Variants in NFIA observed in about 807,000 individuals in gnomAD.
NFIA encodes nuclear factor 1 A-type.
NFIA carries 8 observed loss-of-function variants against 62.8 expected under a neutral mutation model. The ratio of observed to expected loss-of-function variants is 0.13; its 90% CI spans 0.07 to 0.23. The LOEUF is 0.23. Ranked by LOEUF, NFIA falls within the 10% of genes least tolerant of loss-of-function variation. NFIA has a pLI of 1.00. For missense variants in NFIA, 410 were observed against 642.1 expected (o/e 0.64, Z 3.91); for synonymous variants, 235 against 238.1 (o/e 0.99, Z 0.12).
rs554967212 is a variant in NFIA at position 61,310,687 on chromosome 1, C to T, written c.626-21825C>T. Among the ~76,000 whole-genome samples the T allele has an allele frequency of 1.5e-4, 23 of 152,242 alleles. No homozygotes were observed. In the South Asian group the frequency reaches 4.8e-3, roughly 32 times the overall value. On this transcript the variant is annotated intron_variant, in intron 3 of 10. Coordinates refer to ENST00000403491, the MANE Select transcript of NFIA (RefSeq NM_001134673.4). Reference sequence around the variant, plus strand: ...CAGCCATCACAAACCAAACGTGCCACTTGCCTTCTTTCTTTTCTCTTTTCC... The same window carrying T: ...CAGCCATCACAAACCAAACGTGCCATTTGCCTTCTTTCTTTTCTCTTTTCC...
intron 10 of NFIA, among the ~76,000 whole-genome samples, chr1:61,436,029 G>T (rs1203382314): frequency 6.6e-6 from 1 of 152,076 alleles, no homozygotes; most frequent in South Asian, 2.1e-4. Flanking sequence ...CCAGGATTTG[G>T]GCAGAAGTCC....
At chr1:61,222,610 C>T (rs7552300) in intron 2 of NFIA, among the ~76,000 whole-genome samples, 5,791 of 152,078 alleles carry the variant, frequency 0.038, 381 homozygotes, top group African/African-American at 0.13. Context: ...TATTTAGAGT[C>T]AGTACCACAT....
chr1:61,199,466 C>T (rs1652265614), intron 2 of NFIA, among the ~76,000 whole-genome samples: 1 of 152,200 alleles, frequency 6.6e-6, no homozygotes, highest in South Asian at 2.1e-4. Context: ...TAGAGATGAG[C>T]ATACCATGGC....
rs144488789 is a variant in NFIA at position 61,100,523 on chromosome 1, A to C, written c.559+11843A>C. On this transcript the variant is annotated intron_variant, in intron 2 of 10. Coordinates refer to ENST00000403491, the MANE Select transcript of NFIA (RefSeq NM_001134673.4). ...AGAAATCAAGATTTTAGAGCATTTGATGTTTTTAAATTAGAGTCCTTTCAA... is the reference window on the plus strand; with the variant it reads ...AGAAATCAAGATTTTAGAGCATTTGCTGTTTTTAAATTAGAGTCCTTTCAA... Among the ~76,000 whole-genome samples the C allele has an allele frequency of 3.9e-5, 6 of 152,330 alleles. No homozygotes were observed. In the East Asian group the frequency reaches 1.2e-3, roughly 29 times the overall value.
At chr1:61,406,458 T>C in intron 8 of NFIA, 104 bp from the exon 9 acceptor site, 1 of 953,404 alleles carries the variant, frequency 1.0e-6, no homozygotes, top group Non-Finnish European at 1.6e-6. Flanking sequence ...GTAATTTACA[T>C]TAAAGGTGCC....
chr1:61,096,440 G>T (rs1219167792), intron 2 of NFIA, among the ~76,000 whole-genome samples: 2 of 151,978 alleles, frequency 1.3e-5, no homozygotes, highest in East Asian at 3.9e-4. Context: ...CTGGCCTCAG[G>T]TGTTCCACCT....
At chr1:61,082,282 G>A (rs914022663), upstream of NFIA, 12 of 343,600 alleles carry the variant, frequency 3.5e-5, no homozygotes, top group African/African-American at 2.4e-4. Flanking sequence ...GCCGGGGAGC[G>A]AGCGAGCCAG....
At chr1:61,171,547 A>G (rs1055520598) in intron 2 of NFIA, among the ~76,000 whole-genome samples, 8 of 152,244 alleles carry the variant, frequency 5.3e-5, no homozygotes, top group Non-Finnish European at 8.8e-5. Context: ...TTGTTAAAAC[A>G]TTGAATATAG....
intron 2 of NFIA, among the ~76,000 whole-genome samples, chr1:61,163,102 C>A (rs1649326610): frequency 6.6e-6 from 1 of 151,912 alleles, no homozygotes; most frequent in Non-Finnish European, 1.5e-5. Context: ...AAGGAAGTGC[C>A]TTTTGAAAAA....
rs907817517 is a variant in NFIA, at chr1:61,458,599, A to G, written c.*3279A>G. 3.3e-5 allele frequency: 5 copies of G among 152,138 alleles called. No individual in the cohort carries two copies. Among genetic ancestry groups the G allele is most frequent in the Non-Finnish European group, 2.9e-5 (2 of 67,994 alleles). 9.4% of individuals were successfully genotyped at this position (152,138 alleles called of 1,614,324 possible). A position where few individuals can be genotyped will look rare whatever the true frequency, so the allele number is the denominator to read the frequency against. ...AGCCTAGTAAAATTTCTGATCGTTC[A>G]TTATAAAGGCAGCGTTCATAGAATT... On this transcript the variant is annotated 3_prime_UTR_variant, in exon 11 of 11. Transcript: ENST00000403491.
intron 2 of NFIA, among the ~76,000 whole-genome samples, chr1:61,196,898 A>AGTGTGT (rs3030264): frequency 1.8e-4 from 27 of 148,550 alleles, no homozygotes; most frequent in Admixed American, 4.7e-4. Context: ...ACCTTAAAGG[A>AGTGTGT]GTGTGTGTGT....
At chr1:61,141,763 A>G (rs1022011494) in intron 2 of NFIA, among the ~76,000 whole-genome samples, 1 of 152,218 alleles carries the variant, frequency 6.6e-6, no homozygotes, top group African/African-American at 2.4e-5. Flanking sequence ...TAACACAGCG[A>G]TCATGCTCAG....
intron 2 of NFIA, chr1:61,125,119 AAG>A (rs1342387442): frequency 2.0e-5 from 3 of 152,094 alleles, no homozygotes; most frequent in Admixed American, 6.5e-5. Context: ...CTCGTGACAA[AAG>A]AGAGATTCCC....
intron 2 of NFIA, among the ~76,000 whole-genome samples, chr1:61,192,467 C>T (rs1411971591): frequency 5.9e-5 from 9 of 151,950 alleles, no homozygotes; most frequent in Admixed American, 5.9e-4. Context: ...TTTGGGAGGC[C>T]ATGGTGGGCA....
chr1:61,411,566 G>T (rs2100533008), intron 9 of NFIA, among the ~76,000 whole-genome samples: 1 of 152,142 alleles, frequency 6.6e-6, no homozygotes. Flanking sequence ...TGTGTGCCAA[G>T]CACTCTTCTT....
At chr1:61,314,860 A>G (rs1660289188) in intron 3 of NFIA, among the ~76,000 whole-genome samples, 1 of 152,162 alleles carries the variant, frequency 6.6e-6, no homozygotes, top group African/African-American at 2.4e-5. Flanking sequence ...CTTCCCCACT[A>G]GCTGTTCTTT....
At chr1:61,286,887 G>C (rs1386224432) in intron 3 of NFIA, among the ~76,000 whole-genome samples, 1 of 152,170 alleles carries the variant, frequency 6.6e-6, no homozygotes, top group East Asian at 1.9e-4. Context: ...GCAGATATTA[G>C]GGACTTTTAT....
At chr1:61,162,766 G>A (rs1408608636) in intron 2 of NFIA, among the ~76,000 whole-genome samples, 1 of 151,648 alleles carries the variant, frequency 6.6e-6, no homozygotes, top group Non-Finnish European at 1.5e-5. Context: ...GAATGGATAA[G>A]CAGTTCTCAG....
chr1:61,370,245 C>G (rs1424571618), intron 6 of NFIA, among the ~76,000 whole-genome samples: 1 of 152,196 alleles, frequency 6.6e-6, no homozygotes, highest in Non-Finnish European at 1.5e-5. Context: ...ACATCATAAA[C>G]TCATCAATTA....
Sources: gnomAD v4.1 joint callset for allele counts (sites outside exome capture counted in the v4.1 genomes callset) on GRCh38, gnomAD v4.1.1 for gene constraint, MANE v1.5 for transcripts, NCBI Gene and HGNC (gene_info 2026-07-23, HGNC 2026-07-21) for gene names.